The following CYP7B1 variants were observed in gnomAD, a reference collection of about 807,000 sequenced individuals.
CYP7B1 encodes the protein cytochrome P450 7B1.
A neutral mutation model predicts 42.7 loss-of-function variants in CYP7B1; 29 were observed. The ratio of observed to expected loss-of-function variants is 0.68; its 90% confidence interval spans 0.51 to 0.93. CYP7B1 has a LOEUF of 0.93. Among genes scored for constraint, CYP7B1 ranks in the 40% least tolerant of loss-of-function variants. The probability of loss-of-function intolerance (pLI) is 0.00; values close to 1 mark genes in which losing one functional copy is unlikely to be tolerated. For missense variants in CYP7B1, 655 were observed against 600.5 expected (o/e 1.09, Z -0.95); for synonymous variants, 235 against 218.2 (o/e 1.08, Z -0.68).
At chr8:64,751,527 C>T (rs1461172580) in intron 1 of CYP7B1, among the ~76,000 whole-genome samples, 1 of 152,094 alleles carries the variant, frequency 6.6e-6, no homozygotes, top group Non-Finnish European at 1.5e-5. Context: ...TAATATATAG[C>T]ATTCATATAA....
At chr8:64,630,672 A>G (rs1325427728) in intron 1 of CYP7B1, among the ~76,000 whole-genome samples, 2 of 152,230 alleles carry the variant, frequency 1.3e-5, no homozygotes, top group Non-Finnish European at 2.9e-5. Context: ...AAATGCCCAG[A>G]TAAACACGAA....
intron 1 of CYP7B1, among the ~76,000 whole-genome samples, chr8:64,702,534 C>A (rs1806932775): frequency 6.6e-6 from 1 of 152,022 alleles, no homozygotes; most frequent in Non-Finnish European, 1.5e-5. Flanking sequence ...ACTTTGATAA[C>A]ACCAGAAACA....
chr8:64,671,377 A>T (rs866211278), intron 1 of CYP7B1, among the ~76,000 whole-genome samples: 4 of 132,142 alleles, frequency 3.0e-5, no homozygotes, highest in Middle Eastern at 3.9e-3. Context: ...CATTATTTTT[A>T]AAAAACCCAG....
rs1331028527 is a variant in CYP7B1 at position 64,615,722 on chromosome 8, T to G, written c.819A>C (p.Lys273Asn). 2.0e-5 allele frequency: 33 copies of G among 1,613,734 alleles called. No homozygotes were observed. The highest frequency in any genetic ancestry group is 2.8e-5 in the Non-Finnish European group (33 of 1,179,724). ...VFQSRQDVLE[K>N]YYVHEDLEIG... Reference sequence around the variant, plus strand: ...TTTCAAGGTCCTCGTGCACATAATATTTCTCCAGGACATCTTGCCTGCTTT... The same window carrying G: ...TTTCAAGGTCCTCGTGCACATAATAGTTCTCCAGGACATCTTGCCTGCTTT... Residue 273 changes from lysine to asparagine, a missense_variant, in exon 3 of 6, where the codon AAA (lysine) becomes AAC (asparagine). Transcript: ENST00000310193.
At chr8:64,587,147 C>T (rs1804978861), downstream of CYP7B1, among the ~76,000 whole-genome samples, 1 of 152,232 alleles carries the variant, frequency 6.6e-6, no homozygotes, top group Non-Finnish European at 1.5e-5. Flanking sequence ...AAGGAGCCGC[C>T]TTCCAGCAGG....
intron 1 of CYP7B1, among the ~76,000 whole-genome samples, chr8:64,712,825 T>C (rs1807101493): frequency 6.6e-6 from 1 of 151,714 alleles, no homozygotes; most frequent in South Asian, 2.1e-4. Flanking sequence ...ATAATTAATT[T>C]TCTTAAAACA....
intron 1 of CYP7B1, among the ~76,000 whole-genome samples, chr8:64,783,789 T>A (rs557908080): frequency 1.8e-4 from 28 of 152,250 alleles, no homozygotes; most frequent in Non-Finnish European, 3.7e-4. Context: ...TTACTCAAAG[T>A]GCAGGGCTAA....
intron 1 of CYP7B1, among the ~76,000 whole-genome samples, chr8:64,691,369 T>C (rs1002364921): frequency 6.7e-6 from 1 of 150,198 alleles, no homozygotes; most frequent in Non-Finnish European, 1.5e-5. Context: ...TTAACTCTTG[T>C]CCACTGTCAC....
At position 64,594,666 on chromosome 8, in the gene CYP7B1, G is replaced by C. The variant is rs1805091007; in HGVS notation, c.*1976C>G. ...GTGATCACTCAACTCGATGAACCTA[G>C]AGTTAAAACAAAAAGAAGGAAAAAA... is the stretch of plus-strand genomic sequence containing the variant. On this transcript the variant is annotated 3_prime_UTR_variant, in exon 6 of 6. Coordinates refer to ENST00000310193, the MANE Select transcript of CYP7B1 (RefSeq NM_004820.5). 1.3e-5 allele frequency among the ~76,000 whole-genome samples: 2 copies of C among 152,120 alleles called. No individual in the cohort carries two copies. The highest frequency in any genetic ancestry group is 2.9e-5 in the Non-Finnish European group (2 of 68,026).
At chr8:64,611,468 T>C (rs1805362321) in intron 4 of CYP7B1, among the ~76,000 whole-genome samples, 1 of 152,164 alleles carries the variant, frequency 6.6e-6, no homozygotes, top group Admixed American at 6.5e-5. Flanking sequence ...TTATTTGTTA[T>C]TAAAGGACCT....
intron 1 of CYP7B1, among the ~76,000 whole-genome samples, chr8:64,730,425 G>C (rs145573024): frequency 1.1e-4 from 16 of 152,054 alleles, no homozygotes; most frequent in African/African-American, 3.6e-4. Flanking sequence ...ATATCCCATA[G>C]GTTTATCACT....
rs753708048 is a variant in CYP7B1 at position 64,604,854 on chromosome 8, C to G, written c.1061G>C (p.Ser354Thr). Reference protein sequence around the residue: ...EQLDSLICLESSIFEALRLSS... With the variant: ...EQLDSLICLETSIFEALRLSS... ...CAGTCGTAAAGCTTCAAAAATGCTG[C>G]TTTCTGAAGGAAAAAAACAAACGAT... The change falls in exon 5 of 6, where the codon AGC (serine) becomes ACC (threonine). Residue 354 changes from serine (S) to threonine (T), a missense_variant. By Grantham distance (58) the Ser-to-Thr change is moderately conservative. Transcript: ENST00000310193. 6.2e-7 allele frequency: 1 copy of G among 1,613,662 alleles called. No individual in the cohort carries two copies. The highest frequency in any genetic ancestry group is 8.5e-7 in the Non-Finnish European group (1 of 1,179,968).
intron 2 of CYP7B1, among the ~76,000 whole-genome samples, 154 bp from the exon 3 acceptor site, chr8:64,616,435 C>T (rs1008654531): frequency 3.3e-5 from 5 of 152,150 alleles, no homozygotes; most frequent in African/African-American, 1.2e-4. Flanking sequence ...CGAAGGTACA[C>T]TACATGTTTC....
intron 1 of CYP7B1, among the ~76,000 whole-genome samples, chr8:64,674,389 T>C (rs1364067799): frequency 6.6e-6 from 1 of 152,120 alleles, no homozygotes; most frequent in Non-Finnish European, 1.5e-5. Flanking sequence ...GGGGATTTCC[T>C]TGTCTGTCAA....
chr8:64,755,964 G>A (rs1485342061), intron 1 of CYP7B1, among the ~76,000 whole-genome samples: 1 of 152,170 alleles, frequency 6.6e-6, no homozygotes, highest in Admixed American at 6.5e-5. Context: ...CATAGAAAAA[G>A]AGGTACAGGT....
chr8:64,659,772 ACT>A (rs1806173882), intron 1 of CYP7B1, among the ~76,000 whole-genome samples: 2 of 152,312 alleles, frequency 1.3e-5, no homozygotes, highest in South Asian at 2.1e-4. Context: ...CTAAGAACAA[ACT>A]CTGAGTTTCT....
chr8:64,611,612 A>T (rs1438260921), intron 4 of CYP7B1, among the ~76,000 whole-genome samples: 1 of 152,046 alleles, frequency 6.6e-6, no homozygotes, highest in African/African-American at 2.4e-5. Context: ...TTCTCTTTTT[A>T]AAAAAGTATT....
intron 1 of CYP7B1, among the ~76,000 whole-genome samples, chr8:64,735,636 T>C (rs1306486263): frequency 6.6e-6 from 1 of 152,020 alleles, no homozygotes; most frequent in Non-Finnish European, 1.5e-5. Flanking sequence ...TATTTGTTTT[T>C]ATCTTATTAA....
At chr8:64,782,380 C>T (rs553683623) in intron 1 of CYP7B1, among the ~76,000 whole-genome samples, 75 of 152,272 alleles carry the variant, frequency 4.9e-4, no homozygotes, top group Admixed American at 9.2e-4. Flanking sequence ...CCAACAGGTC[C>T]TTTGCCCCTT....
Sources: allele counts gnomAD v4.1 joint callset (sites outside exome capture counted in the v4.1 genomes callset), GRCh38; gene constraint gnomAD v4.1.1; transcripts MANE v1.5; gene names NCBI Gene and HGNC (gene_info 2026-07-23, HGNC 2026-07-21).